SNX3: variants seen among roughly 807,000 people sequenced by gnomAD.
SNX3 encodes sorting nexin 3.
SNX3 carries 5 observed loss-of-function variants against 17.7 expected under a neutral mutation model. That is an observed-to-expected ratio of 0.28 (90% confidence interval 0.15 to 0.59). SNX3 has a LOEUF of 0.59. SNX3 is among the 20% of genes least tolerant of loss of function. SNX3 has a pLI of 0.88. For synonymous variants in SNX3, 91 were observed against 76.5 expected (o/e 1.19, Z -0.99); for missense variants, 132 against 206.8 (o/e 0.64, Z 2.22).
chr6:108,231,297 G>C (rs867168428), intron 1 of SNX3, among the ~76,000 whole-genome samples: 6 of 152,308 alleles, frequency 3.9e-5, no homozygotes, highest in Admixed American at 2.0e-4. Flanking sequence ...ATGTTGGCCA[G>C]GCTGGTCTTG....
chr6:108,233,899 T>C (rs1470652131), intron 1 of SNX3, among the ~76,000 whole-genome samples: 1 of 152,054 alleles, frequency 6.6e-6, no homozygotes, highest in African/African-American at 2.4e-5. Flanking sequence ...GAGAATGGAG[T>C]GTAAAGTCAT....
intron 1 of SNX3, among the ~76,000 whole-genome samples, chr6:108,223,494 G>GTTT (rs1562422738): frequency 5.0e-5 from 5 of 99,332 alleles, no homozygotes; most frequent in African/African-American, 2.0e-4. Flanking sequence ...AACTTTGCTA[G>GTTT]TTCTTTTTTT....
At chr6:108,232,537 C>A (rs540282451) in intron 1 of SNX3, among the ~76,000 whole-genome samples, 1 of 152,214 alleles carries the variant, frequency 6.6e-6, no homozygotes, top group Non-Finnish European at 1.5e-5. Flanking sequence ...AGCAGAAAAC[C>A]AAGCCTCAAA....
rs749259852 is a variant in SNX3, at chr6:108,214,728, C to G, written c.259-106G>C. The G allele has an allele frequency of 7.5e-6, 9 of 1,199,814 alleles. No individual in the cohort carries two copies. The Admixed American group carries it at 1.4e-4, about 19-fold the overall frequency. The allele number at this position is 1,199,814 out of a possible 1,614,324, so 74.3% of individuals were successfully genotyped here. On this transcript the variant is annotated intron_variant, in intron 2 of 3. Coordinates refer to ENST00000230085, the MANE Select transcript of SNX3 (RefSeq NM_003795.6). ...TGTCCTCACTATGACAGCCATCGTC[C>G]GGTCAAACTAGTTGAAATATAAAAG...
chr6:108,233,666 T>C (rs760423667), intron 1 of SNX3, among the ~76,000 whole-genome samples: 5 of 152,128 alleles, frequency 3.3e-5, no homozygotes, highest in South Asian at 2.1e-4. Flanking sequence ...GGAGAATCGC[T>C]TGAGCCCGGG....
chr6:108,213,057 T>C (rs1208610663), intron 3 of SNX3, among the ~76,000 whole-genome samples: 1 of 151,722 alleles, frequency 6.6e-6, no homozygotes, highest in African/African-American at 2.4e-5. Context: ...CCCACTAATT[T>C]TTGTATTTTT....
intron 1 of SNX3, among the ~76,000 whole-genome samples, chr6:108,258,415 G>A (rs548520812): frequency 9.3e-5 from 14 of 149,948 alleles, no homozygotes; most frequent in South Asian, 2.1e-4. Flanking sequence ...CCAAAATAGC[G>A]CCGCTGCACT....
intron 1 of SNX3, among the ~76,000 whole-genome samples, chr6:108,249,396 T>G (rs1232071282): frequency 6.6e-6 from 1 of 152,138 alleles, no homozygotes; most frequent in Non-Finnish European, 1.5e-5. Context: ...CACTCCAGCC[T>G]GGCAACAGAG....
At chr6:108,225,862 T>C (rs1239037735) in intron 1 of SNX3, among the ~76,000 whole-genome samples, 2 of 151,454 alleles carry the variant, frequency 1.3e-5, no homozygotes, top group Non-Finnish European at 2.9e-5. Flanking sequence ...GAAGATTCCA[T>C]CTCTACAAAA....
intron 1 of SNX3, among the ~76,000 whole-genome samples, chr6:108,241,425 G>A (rs1775520948): frequency 6.6e-6 from 1 of 152,030 alleles, no homozygotes; most frequent in Non-Finnish European, 1.5e-5. Context: ...GGAGGCCAAG[G>A]TGGGAGGACT....
At chr6:108,258,149 T>A (rs1040751661) in intron 1 of SNX3, among the ~76,000 whole-genome samples, 2 of 152,002 alleles carry the variant, frequency 1.3e-5, no homozygotes, top group African/African-American at 4.8e-5. Context: ...CCCTGACTCA[T>A]TAATCGTTCT....
chr6:108,220,144 G>T (rs1006175931), intron 2 of SNX3, among the ~76,000 whole-genome samples: 3 of 152,036 alleles, frequency 2.0e-5, no homozygotes, highest in Admixed American at 2.0e-4. Context: ...AGTTTAAAAA[G>T]TAAGCTAAGG....
chr6:108,213,845 G>C (rs149710535), intron 3 of SNX3, among the ~76,000 whole-genome samples: 1 of 152,070 alleles, frequency 6.6e-6, no homozygotes, highest in Non-Finnish European at 1.5e-5. Flanking sequence ...TATTCTGTAC[G>C]ATTTGATTTA....
intron 1 of SNX3, among the ~76,000 whole-genome samples, chr6:108,236,094 T>G (rs1033629781): frequency 2.0e-5 from 3 of 152,154 alleles, no homozygotes; most frequent in Non-Finnish European, 4.4e-5. Context: ...AGTTTTTCTA[T>G]GCTAAAGAAA....
At chr6:108,258,242 G>A (rs1440799515) in intron 1 of SNX3, among the ~76,000 whole-genome samples, 1 of 151,778 alleles carries the variant, frequency 6.6e-6, no homozygotes, top group African/African-American at 2.4e-5. Flanking sequence ...GGTGGATCAC[G>A]AGGTCAGGAG....
chr6:108,256,608 AATCTATT>A, intron 1 of SNX3, among the ~76,000 whole-genome samples: 1 of 152,208 alleles, frequency 6.6e-6, no homozygotes, highest in East Asian at 1.9e-4. Context: ...GGAAATGTTA[AATCTATT>A]CTTTGAACTG....
At chr6:108,245,575 G>C (rs1775662520) in intron 1 of SNX3, among the ~76,000 whole-genome samples, 1 of 152,208 alleles carries the variant, frequency 6.6e-6, no homozygotes. Context: ...CCCACCAACA[G>C]TGTAAAAGCG....
intron 1 of SNX3, among the ~76,000 whole-genome samples, chr6:108,245,390 C>T (rs992292629): frequency 5.9e-5 from 9 of 152,144 alleles, no homozygotes; most frequent in Admixed American, 3.9e-4. Flanking sequence ...CAAGTCTTCG[C>T]TATCGTAAAT....
intron 1 of SNX3, among the ~76,000 whole-genome samples, chr6:108,236,906 A>T (rs1775363217): frequency 6.6e-6 from 1 of 152,190 alleles, no homozygotes; most frequent in Non-Finnish European, 1.5e-5. Context: ...ATATGCTTTA[A>T]ATTTGCAGAT....
Sources: gnomAD v4.1 joint callset for allele counts (sites outside exome capture counted in the v4.1 genomes callset) on GRCh38, gnomAD v4.1.1 for gene constraint, MANE v1.5 for transcripts, NCBI Gene and HGNC (gene_info 2026-07-23, HGNC 2026-07-21) for gene names.